DCC: variants seen among roughly 807,000 people sequenced by gnomAD.
The protein encoded by DCC is DCC netrin 1 receptor.
Under a neutral mutation model 172.5 loss-of-function variants are expected in DCC, and 58 were observed. That is an observed-to-expected ratio of 0.34 (90% CI 0.27 to 0.42). The LOEUF is 0.42. DCC is among the 10% of genes least tolerant of loss of function. DCC has a pLI of 1.00. For missense variants in DCC, 1,740 were observed against 1,791.0 expected, an observed-to-expected ratio of 0.97 and a Z score of 0.51; for synonymous variants, 709 against 644.5, an observed-to-expected ratio of 1.10 and a Z score of -1.52.
At chr18:53,179,597 T>C (rs2055164299) in intron 9 of DCC, among the ~76,000 whole-genome samples, 1 of 152,192 alleles carries the variant, frequency 6.6e-6, no homozygotes, top group African/African-American at 2.4e-5. Context: ...TTGAGGAATA[T>C]GAGAGATAAC....
At position 53,086,090 on chromosome 18, in the gene DCC, CCT is replaced by C. The variant is rs1487204712; in HGVS notation, c.1261+19926_1261+19927del. ...TCCCTCTCCTCCTCCTCCTCCTCCTCCTCCTCCTCCTCCTCCTCCTCCTCCTC... is the reference window on the plus strand; with the variant it reads ...TCCCTCTCCTCCTCCTCCTCCTCCTCCCTCCTCCTCCTCCTCCTCCTCCTC... On this transcript the variant is annotated intron_variant, in intron 7 of 28. Coordinates refer to ENST00000442544, the MANE Select transcript of DCC (RefSeq NM_005215.4). 1.0e-3 allele frequency among the ~76,000 whole-genome samples: 2 copies of C among 1,998 alleles called. 1 individual carries two copies. The highest frequency in any genetic ancestry group is 0.017 in the African/African-American group (2 of 120). The allele number at this position is 1,998 out of a possible 152,430, so 1.3% of individuals were successfully genotyped here.
chr18:53,196,747 T>C (rs1251991127), intron 9 of DCC, among the ~76,000 whole-genome samples: 1 of 152,146 alleles, frequency 6.6e-6, no homozygotes, highest in Non-Finnish European at 1.5e-5. Context: ...ACATACGTAA[T>C]GGCGCAGTTT....
chr18:52,896,891 G>T (rs1479689435), intron 2 of DCC, among the ~76,000 whole-genome samples: 1 of 152,010 alleles, frequency 6.6e-6, no homozygotes, highest in Non-Finnish European at 1.5e-5. Flanking sequence ...GGTTGATTCT[G>T]TGCAGTGCCT....
intron 1 of DCC, among the ~76,000 whole-genome samples, chr18:52,430,271 G>T (rs530380090): frequency 6.6e-6 from 1 of 152,158 alleles, no homozygotes; most frequent in East Asian, 1.9e-4. Context: ...GGAAACTGAA[G>T]ATGGCAGCTT....
chr18:53,438,613 T>G (rs1418803637), intron 22 of DCC, among the ~76,000 whole-genome samples: 1 of 152,214 alleles, frequency 6.6e-6, no homozygotes, highest in Non-Finnish European at 1.5e-5. Context: ...AAATCCCAAT[T>G]TCAGATTGAA....
At chr18:52,699,632 C>G (rs954620876) in intron 1 of DCC, among the ~76,000 whole-genome samples, 1 of 152,178 alleles carries the variant, frequency 6.6e-6, no homozygotes, top group African/African-American at 2.4e-5. Context: ...GACCCAATGT[C>G]CATGGCATGG....
chr18:52,727,498 A>G (rs921575497), intron 1 of DCC, among the ~76,000 whole-genome samples: 1 of 152,202 alleles, frequency 6.6e-6, no homozygotes, highest in Non-Finnish European at 1.5e-5. Flanking sequence ...TGTTCATCTC[A>G]GAGAAGAAAA....
chr18:53,534,564 C>T lies in DCC; in HGVS notation c.*3911C>T. The T allele has an allele frequency of 6.6e-6, 1 of 152,200 alleles. No homozygotes were observed. Among genetic ancestry groups the T allele is most frequent in the East Asian group, 1.9e-4 (1 of 5,204 alleles). The allele number at this position is 152,200 out of a possible 1,614,324, so 9.4% of individuals were successfully genotyped here. A position where few individuals can be genotyped will look rare whatever the true frequency, so the allele number is the denominator to read the frequency against. On this transcript the variant is annotated 3_prime_UTR_variant, in exon 29 of 29. Transcript: ENST00000442544. ...CATTTCTCTGGTGACTTTCAGAAAT[C>T]ACTTTAGTATTGTACAGAAAAGCTT... is the stretch of plus-strand genomic sequence containing the variant.
At chr18:52,883,593 A>C (rs1308530367) in intron 2 of DCC, among the ~76,000 whole-genome samples, 2 of 151,988 alleles carry the variant, frequency 1.3e-5, no homozygotes, top group Admixed American at 1.3e-4. Flanking sequence ...AATGCTAATA[A>C]AACTCTACAC....
chr18:52,628,345 A>G lies in DCC; in HGVS notation c.92-123709A>G, dbSNP rs186931726. 1.2e-4 allele frequency among the ~76,000 whole-genome samples: 19 copies of G among 152,356 alleles called. No individual in the cohort carries two copies. In the East Asian group the frequency reaches 3.5e-3, roughly 28 times the overall value. ...AGATTCTGCAAACCACTCACATCCA[A>G]GAGACTTAGCATCCAATGTGTCTTT... On this transcript the variant is annotated intron_variant, in intron 1 of 28. Coordinates refer to ENST00000442544, the MANE Select transcript of DCC (RefSeq NM_005215.4).
At chr18:53,158,511 G>A (rs999797791) in intron 8 of DCC, among the ~76,000 whole-genome samples, 1 of 152,112 alleles carries the variant, frequency 6.6e-6, no homozygotes, top group Non-Finnish European at 1.5e-5. Context: ...AATTCAAAAG[G>A]GGACATATAC....
At position 53,307,889 on chromosome 18, in the gene DCC, GTGTGTATGTATATATATATATATA is replaced by G. The variant is rs1480014162; in HGVS notation, c.2053+2172_2053+2195del. On this transcript the variant is annotated intron_variant, in intron 13 of 28. Transcript: ENST00000442544. ...CCATAACCCTTCTGGAAAGCAATGT[GTGTGTATGTATATATATATATATA>G]TATATATATATATATATATATATAT... Among the ~76,000 whole-genome samples, 333 of 38,138 alleles carry G rather than the reference GTGTGTATGTATATATATATATATA, an allele frequency of 8.7e-3. 3 individuals are homozygous for G. Among genetic ancestry groups the G allele is most frequent in the Admixed American group, 0.08 (197 of 2,452 alleles). The allele number at this position is 38,138 out of a possible 152,430, so 25.0% of individuals were successfully genotyped here. A position where few individuals can be genotyped will look rare whatever the true frequency, so the allele number is the denominator to read the frequency against.
chr18:52,896,918 CT>C (rs2039739704), intron 2 of DCC, among the ~76,000 whole-genome samples: 11 of 152,130 alleles, frequency 7.2e-5, no homozygotes, highest in Admixed American at 2.0e-4. Flanking sequence ...AATTCATTCC[CT>C]CAGAGACAGT....
chr18:52,392,045 G>A (rs1986049445), intron 1 of DCC, among the ~76,000 whole-genome samples: 1 of 152,160 alleles, frequency 6.6e-6, no homozygotes, highest in South Asian at 2.1e-4. Flanking sequence ...AATCAAATCT[G>A]CGTTATGAGG....
intron 1 of DCC, among the ~76,000 whole-genome samples, chr18:52,635,478 A>T (rs1043523343): frequency 3.3e-5 from 5 of 152,250 alleles, no homozygotes; most frequent in Admixed American, 2.6e-4. Context: ...AAAACTGATT[A>T]TATATTATTT....
chr18:52,703,553 G>A (rs1432924962), intron 1 of DCC, among the ~76,000 whole-genome samples: 3 of 151,940 alleles, frequency 2.0e-5, no homozygotes, highest in Non-Finnish European at 2.9e-5. Context: ...TCAAGGCAAG[G>A]CCAGATTTGA....
chr18:53,063,179 A>C, intron 5 of DCC, 126 bp from the exon 6 acceptor site: 1 of 940,334 alleles, frequency 1.1e-6, no homozygotes, highest in Non-Finnish European at 1.7e-6. Flanking sequence ...CTAAGAGCTT[A>C]GGGAATGATT....
rs557431455 is a variant in DCC, at chr18:52,950,695, G to C, written c.985+25325G>C. Among the ~76,000 whole-genome samples, 748 of 151,404 alleles carry C rather than the reference G, an allele frequency of 4.9e-3. 1 individual carries two copies. The highest frequency in any genetic ancestry group is 0.014 in the Middle Eastern group (4 of 288). On this transcript the variant is annotated intron_variant, in intron 5 of 28. Coordinates refer to ENST00000442544, the MANE Select transcript of DCC (RefSeq NM_005215.4). ...ATTCCAGCACTTTGGGAGGCCGAGG[G>C]GGGTGGATCACGAGGTCAGGAGATC...
At position 53,450,501 on chromosome 18, in the gene DCC, G is replaced by A. The variant is rs1568139620; in HGVS notation, c.3231G>A (p.Glu1077=). The change falls in exon 23 of 29, where the codon GAG becomes GAA. Residue 1077 remains glutamate, a splice_region_variant and synonymous_variant. Coordinates refer to ENST00000442544, the MANE Select transcript of DCC (RefSeq NM_005215.4). Reference sequence around the variant, plus strand: ...CTCCATTTTCCTGTCTTTTCCCAGAGCCGCCAATTGGACAAATGCACCCCC... The same window carrying A: ...CTCCATTTTCCTGTCTTTTCCCAGAACCGCCAATTGGACAAATGCACCCCC... ...TNLIDRSTLN[E]PPIGQMHPPH... is the part of the protein sequence containing the mutation. 8.7e-6 allele frequency: 14 copies of A among 1,613,876 alleles called. No individual in the cohort carries two copies. Among genetic ancestry groups the A allele is most frequent in the African/African-American group, 1.3e-5 (1 of 74,968 alleles).
Sources: gnomAD v4.1 joint callset for allele counts (sites outside exome capture counted in the v4.1 genomes callset) on GRCh38, gnomAD v4.1.1 for gene constraint, MANE v1.5 for transcripts, NCBI Gene and HGNC (gene_info 2026-07-23, HGNC 2026-07-21) for gene names.